Variants in ASCC3 observed in about 807,000 individuals in gnomAD.
The protein encoded by ASCC3 is ASC-1 complex subunit P200.
ASCC3 carries 158 observed loss-of-function variants against 256.3 expected under a neutral mutation model. The observed-to-expected ratio is 0.62, with a 90% CI of 0.54 to 0.70. ASCC3 has a LOEUF of 0.70. Ranked by LOEUF, ASCC3 falls within the 30% of genes least tolerant of loss-of-function variation. The pLI is 0.00. For synonymous variants in ASCC3, 948 were observed against 883.4 expected (o/e 1.07, Z -1.30); for missense variants, 2,259 against 2,626.0 (o/e 0.86, Z 3.05).
chr6:100,800,288 G>A lies in ASCC3; in HGVS notation c.1127+12C>T, dbSNP rs1163918151. On this transcript the variant is annotated intron_variant, in intron 6 of 41. Transcript: ENST00000369162. ...ACAACACAAGCATTTTTCAGCTCCT[G>A]GCTTTTATTACCTTTGTATCCGCAA... 1.2e-6 allele frequency: 2 copies of A among 1,611,858 alleles called. No homozygotes were observed. The highest frequency in any genetic ancestry group is 1.7e-5 in the Admixed American group (1 of 59,916).
chr6:100,542,486 T>A (rs1051220475), intron 36 of ASCC3, among the ~76,000 whole-genome samples: 6 of 151,982 alleles, frequency 3.9e-5, no homozygotes, highest in Admixed American at 6.6e-5. Context: ...ATTGAGACCA[T>A]CCTGGCCAAC....
chr6:100,675,130 G>GTTTTTTTT lies in ASCC3; in HGVS notation c.2286+4480_2286+4487dup, dbSNP rs562151800. The stretch of plus-strand genomic sequence containing the variant: ...CAAAAATGCAATTAAGCAAACAGTT[G>GTTTTTTTT]TTTTTTTTTTTTTTACAATTTTGTT... On this transcript the variant is annotated intron_variant, in intron 14 of 41. Coordinates refer to ENST00000369162, the MANE Select transcript of ASCC3 (RefSeq NM_006828.4). 1.3e-4 allele frequency among the ~76,000 whole-genome samples: 18 copies of GTTTTTTTT among 143,726 alleles called. 1 individual carries two copies. The South Asian group carries it at 1.8e-3, about 14-fold the overall frequency. 94.3% of individuals were successfully genotyped at this position (143,726 alleles called of 152,430 possible). A position where few individuals can be genotyped will look rare whatever the true frequency, so the allele number is the denominator to read the frequency against.
intron 36 of ASCC3, among the ~76,000 whole-genome samples, chr6:100,547,035 T>C (rs1245420510): frequency 6.6e-6 from 1 of 152,036 alleles, no homozygotes; most frequent in Non-Finnish European, 1.5e-5. Context: ...AGCAAAAATG[T>C]ATACATTGGA....
At chr6:100,764,804 G>C (rs1781573665) in intron 10 of ASCC3, among the ~76,000 whole-genome samples, 1 of 152,036 alleles carries the variant, frequency 6.6e-6, no homozygotes, top group Non-Finnish European at 1.5e-5. Flanking sequence ...TTGTGGACTA[G>C]GGCTTCAACA....
intron 37 of ASCC3, 72 bp from the exon 38 acceptor site, chr6:100,518,214 T>C (rs1774133068): frequency 7.1e-6 from 11 of 1,539,488 alleles, no homozygotes; most frequent in Non-Finnish European, 8.9e-7. Flanking sequence ...GATTCTGATG[T>C]TAGCTTTAAC....
intron 36 of ASCC3, among the ~76,000 whole-genome samples, chr6:100,580,942 T>C (rs1034791617): frequency 3.0e-4 from 45 of 152,256 alleles, no homozygotes; most frequent in Admixed American, 2.7e-3. Flanking sequence ...TAGTATTCCA[T>C]GGTGTATATG....
intron 23 of ASCC3, among the ~76,000 whole-genome samples, 163 bp from the exon 24 acceptor site, chr6:100,642,912 T>C (rs1488938101): frequency 1.3e-5 from 2 of 152,176 alleles, no homozygotes; most frequent in Non-Finnish European, 2.9e-5. Context: ...AAATTGTGCA[T>C]GGTGCCCTTC....
chr6:100,629,905 C>CT (rs35302273), intron 26 of ASCC3, among the ~76,000 whole-genome samples: 30 of 148,442 alleles, frequency 2.0e-4, no homozygotes, highest in East Asian at 3.9e-4. Flanking sequence ...TCTTTTCTTT[C>CT]TTTTTTTTTT....
intron 25 of ASCC3, among the ~76,000 whole-genome samples, chr6:100,636,881 C>T (rs1269221798): frequency 1.3e-5 from 2 of 152,108 alleles, no homozygotes; most frequent in African/African-American, 2.4e-5. Context: ...TGAGGACACT[C>T]CAGAAGAAAA....
chr6:100,835,448 TG>T (rs1348176698), intron 4 of ASCC3, among the ~76,000 whole-genome samples: 6 of 152,190 alleles, frequency 3.9e-5, no homozygotes, highest in African/African-American at 1.4e-4. Flanking sequence ...AGTTGATTTT[TG>T]TACATTGTGA....
At chr6:100,586,450 G>T in intron 36 of ASCC3, among the ~76,000 whole-genome samples, 1 of 152,236 alleles carries the variant, frequency 6.6e-6, no homozygotes, top group Non-Finnish European at 1.5e-5. Flanking sequence ...TGCAGTATTC[G>T]GGTGGGAGCG....
chr6:100,880,475 C>G (rs1335026724), intron 1 of ASCC3, among the ~76,000 whole-genome samples: 1 of 152,188 alleles, frequency 6.6e-6, no homozygotes, highest in Non-Finnish European at 1.5e-5. Context: ...ATACCATTAG[C>G]ACACTGCATT....
intron 26 of ASCC3, among the ~76,000 whole-genome samples, chr6:100,630,180 C>T (rs970811314): frequency 2.0e-5 from 3 of 152,002 alleles, no homozygotes; most frequent in Admixed American, 1.3e-4. Flanking sequence ...TGAGCCACCA[C>T]GCCCAGCCTA....
At chr6:100,708,742 T>A (rs1321305621) in intron 13 of ASCC3, among the ~76,000 whole-genome samples, 2 of 152,066 alleles carry the variant, frequency 1.3e-5, no homozygotes, top group African/African-American at 4.8e-5. Flanking sequence ...AAAATACATA[T>A]CAACTGGCTA....
intron 2 of ASCC3, among the ~76,000 whole-genome samples, chr6:100,866,172 G>A (rs1773469552): frequency 6.6e-6 from 1 of 152,000 alleles, no homozygotes; most frequent in Admixed American, 6.5e-5. Context: ...GTTTCACCAT[G>A]TTGGCCAGGC....
At chr6:100,833,479 A>G (rs1457858016) in intron 4 of ASCC3, among the ~76,000 whole-genome samples, 1 of 152,208 alleles carries the variant, frequency 6.6e-6, no homozygotes, top group African/African-American at 2.4e-5. Context: ...ACTAATAATA[A>G]TGTGTAAATA....
intron 10 of ASCC3, among the ~76,000 whole-genome samples, chr6:100,733,054 TAAAAG>T (rs1779983396): frequency 6.6e-6 from 1 of 152,260 alleles, no homozygotes; most frequent in East Asian, 1.9e-4. Context: ...AGTAAAGTGA[TAAAAG>T]AGAAAAGCAA....
intron 11 of ASCC3, among the ~76,000 whole-genome samples, chr6:100,719,701 C>T (rs1173802079): frequency 2.0e-5 from 3 of 151,658 alleles, no homozygotes; most frequent in Non-Finnish European, 4.4e-5. Context: ...TACACTATAC[C>T]TATTTACCTT....
At chr6:100,511,877 G>T (rs529774884) in intron 40 of ASCC3, among the ~76,000 whole-genome samples, 4 of 152,264 alleles carry the variant, frequency 2.6e-5, no homozygotes, top group African/African-American at 9.6e-5. Context: ...TTTTGTGTGT[G>T]AGAACAGAAG....
Sources: allele counts gnomAD v4.1 joint callset (sites outside exome capture counted in the v4.1 genomes callset), GRCh38; gene constraint gnomAD v4.1.1; transcripts MANE v1.5; gene names NCBI Gene and HGNC (gene_info 2026-07-23, HGNC 2026-07-21).